Variants in RAVER2 observed in about 807,000 individuals in gnomAD.
RAVER2 encodes ribonucleoprotein PTB-binding 2.
RAVER2 carries 46 observed loss-of-function variants against 78.1 expected under a neutral mutation model. The ratio of observed to expected loss-of-function variants is 0.59; its 90% CI spans 0.46 to 0.75. RAVER2 has a LOEUF of 0.75. Ranked by LOEUF, RAVER2 falls within the 30% of genes least tolerant of loss-of-function variation. RAVER2 has a pLI of 0.00. For missense variants in RAVER2, 793 were observed against 837.5 expected, an observed-to-expected ratio of 0.95 and a Z score of 0.66; for synonymous variants, 311 against 313.3, an observed-to-expected ratio of 0.99 and a Z score of 0.08.
chr1:64,799,952 G>A (rs533013406), intron 5 of RAVER2, among the ~76,000 whole-genome samples: 7 of 152,160 alleles, frequency 4.6e-5, no homozygotes, highest in Admixed American at 2.6e-4. Context: ...AGAATTAGCT[G>A]TTCTAATTGG....
At chr1:64,780,320 G>A (rs1217396612) in intron 3 of RAVER2, among the ~76,000 whole-genome samples, 1 of 152,178 alleles carries the variant, frequency 6.6e-6, no homozygotes, top group Non-Finnish European at 1.5e-5. Flanking sequence ...ATGTTTAGAA[G>A]AGGTAGATGT....
chr1:64,765,330 A>G (rs978920636), intron 1 of RAVER2, among the ~76,000 whole-genome samples: 1 of 152,236 alleles, frequency 6.6e-6, no homozygotes, highest in African/African-American at 2.4e-5. Flanking sequence ...AAAAATTCAA[A>G]CAGTGAACAA....
At chr1:64,776,873 TA>T (rs1441184708) in intron 2 of RAVER2, among the ~76,000 whole-genome samples, 1 of 152,250 alleles carries the variant, frequency 6.6e-6, no homozygotes, top group Non-Finnish European at 1.5e-5. Context: ...TGTTTCCAGT[TA>T]TATAAGCCGT....
intron 1 of RAVER2, 145 bp from the exon 2 acceptor site, chr1:64,768,511 A>T: frequency 1.6e-6 from 1 of 618,406 alleles, no homozygotes; most frequent in East Asian, 2.9e-5. Context: ...AATTTAAGTA[A>T]GTAATGGGGA....
intron 10 of RAVER2, among the ~76,000 whole-genome samples, chr1:64,814,339 G>A (rs1653702536): frequency 6.6e-6 from 1 of 152,122 alleles, no homozygotes; most frequent in East Asian, 1.9e-4. Flanking sequence ...CTGGGCTCAA[G>A]TGATCCTCCC....
At chr1:64,778,769 CTCT>C (rs1265818457) in intron 3 of RAVER2, among the ~76,000 whole-genome samples, 2 of 148,978 alleles carry the variant, frequency 1.3e-5, no homozygotes, top group Admixed American at 1.3e-4. Flanking sequence ...AATTATTTCT[CTCT>C]TGTTTCTCTC....
At chr1:64,826,330 A>G (rs935025278) in intron 11 of RAVER2, among the ~76,000 whole-genome samples, 3 of 152,226 alleles carry the variant, frequency 2.0e-5, no homozygotes, top group African/African-American at 7.2e-5. Context: ...GAAGTCTTGG[A>G]GTTTAAATAC....
chr1:64,748,604 A>G (rs1221926367), intron 1 of RAVER2, among the ~76,000 whole-genome samples: 1 of 152,242 alleles, frequency 6.6e-6, no homozygotes, highest in Non-Finnish European at 1.5e-5. Context: ...TTTATATTCT[A>G]TTAGTAACAT....
intron 3 of RAVER2, among the ~76,000 whole-genome samples, 198 bp downstream of exon 3, chr1:64,778,290 T>C (rs1020888481): frequency 3.9e-5 from 6 of 152,244 alleles, no homozygotes; most frequent in South Asian, 2.1e-4. Context: ...TATGTTGTTA[T>C]GTAGTTAAGT....
intron 2 of RAVER2, among the ~76,000 whole-genome samples, chr1:64,776,939 CTA>C (rs1652480419): frequency 6.6e-6 from 1 of 152,050 alleles, no homozygotes; most frequent in South Asian, 2.1e-4. Context: ...ACAGGGCAGA[CTA>C]TTTTTATTGT....
chr1:64,802,356 A>T (rs1653290642), intron 5 of RAVER2, among the ~76,000 whole-genome samples: 1 of 152,146 alleles, frequency 6.6e-6, no homozygotes, highest in African/African-American at 2.4e-5. Context: ...TGGTTCAAAC[A>T]TCTCTGACAC....
intron 4 of RAVER2, among the ~76,000 whole-genome samples, chr1:64,783,884 C>T (rs972000350): frequency 1.9e-4 from 29 of 152,208 alleles, no homozygotes; most frequent in African/African-American, 6.0e-4. Flanking sequence ...GGCTTTATAA[C>T]CATGCAACCG....
intron 1 of RAVER2, among the ~76,000 whole-genome samples, chr1:64,755,426 A>G (rs1215757444): frequency 1.3e-5 from 2 of 152,044 alleles, no homozygotes; most frequent in Admixed American, 6.6e-5. Flanking sequence ...TTTTATTTCC[A>G]TATGAATGCC....
intron 1 of RAVER2, among the ~76,000 whole-genome samples, chr1:64,765,080 T>C (rs1652137882): frequency 6.6e-6 from 1 of 152,200 alleles, no homozygotes; most frequent in Admixed American, 6.5e-5. Flanking sequence ...TTTATATCCA[T>C]TAAATTGACA....
intron 5 of RAVER2, among the ~76,000 whole-genome samples, chr1:64,802,083 C>T (rs753961727): frequency 2.6e-5 from 4 of 152,178 alleles, no homozygotes; most frequent in African/African-American, 4.8e-5. Flanking sequence ...CACACGTTGC[C>T]GTGGCATTTG....
At chr1:64,796,303 A>G (rs755173882) in intron 5 of RAVER2, among the ~76,000 whole-genome samples, 59 of 151,972 alleles carry the variant, frequency 3.9e-4, no homozygotes, top group Non-Finnish European at 4.1e-4. Flanking sequence ...AATGATTTGG[A>G]AAATATTCCC....
chr1:64,788,056 A>G (rs1418546972), intron 4 of RAVER2, among the ~76,000 whole-genome samples: 2 of 152,186 alleles, frequency 1.3e-5, no homozygotes, highest in South Asian at 2.1e-4. Context: ...ATCACCATCC[A>G]TCAAGCTGGT....
chr1:64,793,250 T>C (rs1005471925), intron 5 of RAVER2, among the ~76,000 whole-genome samples: 2 of 152,214 alleles, frequency 1.3e-5, no homozygotes, highest in Non-Finnish European at 2.9e-5. Context: ...GCTCTGCTTC[T>C]TTATCATTGT....
chr1:64,826,090 C>G (rs1653997436), intron 11 of RAVER2, among the ~76,000 whole-genome samples: 1 of 152,204 alleles, frequency 6.6e-6, no homozygotes, highest in Non-Finnish European at 1.5e-5. Context: ...GCTGAAGGAG[C>G]TGGGAATGGA....
Sources: gnomAD v4.1 joint callset for allele counts (sites outside exome capture counted in the v4.1 genomes callset) on GRCh38, gnomAD v4.1.1 for gene constraint, MANE v1.5 for transcripts, NCBI Gene and HGNC (gene_info 2026-07-23, HGNC 2026-07-21) for gene names.